The following TENM2 variants were observed in gnomAD, a reference collection of about 807,000 sequenced individuals.
TENM2 encodes teneurin-2.
A neutral mutation model predicts 245.2 loss-of-function variants in TENM2; 52 were observed. The observed-to-expected ratio is 0.21, with a 90% CI of 0.17 to 0.27. The LOEUF (loss-of-function observed/expected upper bound fraction) is 0.27. Ranked by LOEUF, TENM2 falls within the 10% of genes least tolerant of loss-of-function variation. The probability of loss-of-function intolerance (pLI) is 1.00; values close to 1 mark genes in which losing one functional copy is unlikely to be tolerated. For synonymous variants in TENM2, 1,363 were observed against 1,438.9 expected, an observed-to-expected ratio of 0.95 and a Z score of 1.19; for missense variants, 3,046 against 3,666.8, an observed-to-expected ratio of 0.83 and a Z score of 4.37.
intron 3 of TENM2, among the ~76,000 whole-genome samples, chr5:167,908,830 G>T (rs1776323486): frequency 6.6e-6 from 1 of 151,684 alleles, no homozygotes; most frequent in Non-Finnish European, 1.5e-5. Flanking sequence ...CTTGTGTAAA[G>T]AGGAAGCTAC....
At chr5:168,257,678 C>T (rs1430903855) in intron 27 of TENM2, among the ~76,000 whole-genome samples, 6 of 149,000 alleles carry the variant, frequency 4.0e-5, no homozygotes, top group South Asian at 4.2e-4. Flanking sequence ...TGCAGTAGCA[C>T]GATCTCTGCT....
At chr5:167,001,217 A>T in the TENM2 span, among the ~76,000 whole-genome samples, 1 of 152,182 alleles carries the variant, frequency 6.6e-6, no homozygotes, top group African/African-American at 2.4e-5. Context: ...GTTTGGTCTC[A>T]TTGTCTTTAC....
chr5:167,791,313 A>T (rs1764942155), intron 2 of TENM2, among the ~76,000 whole-genome samples: 1 of 149,882 alleles, frequency 6.7e-6, no homozygotes, highest in African/African-American at 2.4e-5. Context: ...TGTGTATCTT[A>T]TGTATAATGT....
chr5:167,060,406 A>G, the TENM2 span, among the ~76,000 whole-genome samples: 1 of 152,286 alleles, frequency 6.6e-6, no homozygotes, highest in East Asian at 1.9e-4. Context: ...TAATCCCAGC[A>G]CTTTGGTAGG....
chr5:167,830,752 G>A (rs1054264017), intron 2 of TENM2, among the ~76,000 whole-genome samples: 7 of 152,242 alleles, frequency 4.6e-5, no homozygotes, highest in African/African-American at 4.8e-5. Context: ...TTGAGAGCAC[G>A]TCTGAGTGCC....
At chr5:167,924,337 T>G (rs1198678626) in intron 3 of TENM2, among the ~76,000 whole-genome samples, 1 of 152,208 alleles carries the variant, frequency 6.6e-6, no homozygotes, top group Non-Finnish European at 1.5e-5. Flanking sequence ...CATGAGCGCT[T>G]GCCAGGAACC....
rs767391820 is a variant in TENM2 at position 168,262,224 on chromosome 5, G to A, written c.7739G>A (p.Arg2580Gln). The A allele has an allele frequency of 1.4e-5, 23 of 1,605,434 alleles. No homozygotes were observed. The highest frequency in any genetic ancestry group is 2.2e-5 in the East Asian group (1 of 44,492). The change falls in exon 29 of 29, where the codon CGG (arginine) becomes CAG (glutamine). Residue 2580 changes from arginine to glutamine, a missense_variant. By Grantham distance (43) the Arg-to-Gln change is conservative (BLOSUM62 1). Transcript: ENST00000518659. ...ATCATGTTTGCCATCAAAGAAGGGC[G>A]GGTGACCACGGGCGTGTCCAGCATC...
At chr5:167,054,755 TA>T in the TENM2 span, among the ~76,000 whole-genome samples, 1 of 152,148 alleles carries the variant, frequency 6.6e-6, no homozygotes. Flanking sequence ...CCCATTGTTT[TA>T]ATTTGCAATT....
chr5:167,238,463 G>A, the TENM2 span, among the ~76,000 whole-genome samples: 3 of 152,112 alleles, frequency 2.0e-5, no homozygotes, highest in Non-Finnish European at 4.4e-5. Context: ...TCTCCATGAA[G>A]ATAGGCTTGG....
At chr5:167,471,932 C>A (rs553656581) in intron 2 of TENM2, among the ~76,000 whole-genome samples, 1 of 152,206 alleles carries the variant, frequency 6.6e-6, no homozygotes, top group Non-Finnish European at 1.5e-5. Context: ...TTTCTCTGAG[C>A]CTTCTTTTTG....
intron 2 of TENM2, among the ~76,000 whole-genome samples, chr5:167,799,996 A>G (rs569540503): frequency 2.0e-5 from 3 of 152,318 alleles, no homozygotes; most frequent in Middle Eastern, 3.4e-3. Flanking sequence ...AGCATCCCCA[A>G]CTGACAATCA....
intron 2 of TENM2, among the ~76,000 whole-genome samples, chr5:167,746,875 G>A (rs1474816733): frequency 6.6e-6 from 1 of 152,084 alleles, no homozygotes; most frequent in East Asian, 1.9e-4. Context: ...CTTCCTGGAA[G>A]CTTATAGACA....
chr5:168,114,461 T>G (rs901721466), intron 9 of TENM2, among the ~76,000 whole-genome samples: 13 of 152,178 alleles, frequency 8.5e-5, no homozygotes, highest in Admixed American at 6.5e-4. Context: ...ATACAGGAGG[T>G]TCCCCATTTC....
At chr5:167,594,874 C>T (rs1258838365) in intron 2 of TENM2, among the ~76,000 whole-genome samples, 4 of 152,194 alleles carry the variant, frequency 2.6e-5, no homozygotes, top group Non-Finnish European at 5.9e-5. Context: ...TGCAATTTTA[C>T]TTACAAACAC....
chr5:167,731,861 A>G (rs1052944315), intron 2 of TENM2, among the ~76,000 whole-genome samples: 2 of 152,126 alleles, frequency 1.3e-5, no homozygotes, highest in African/African-American at 4.8e-5. Context: ...GTAGGTGCTC[A>G]TTAAATATTT....
the TENM2 span, among the ~76,000 whole-genome samples, chr5:167,035,553 C>G: frequency 2.0e-5 from 3 of 152,188 alleles, no homozygotes; most frequent in African/African-American, 7.2e-5. Flanking sequence ...AGTCTCCTAT[C>G]TGTTGGTCAG....
intron 2 of TENM2, among the ~76,000 whole-genome samples, chr5:167,654,535 A>G (rs1754706610): frequency 6.6e-6 from 1 of 152,036 alleles, no homozygotes; most frequent in South Asian, 2.1e-4. Context: ...GGGGATGGAG[A>G]TGATCCAGAA....
intron 5 of TENM2, among the ~76,000 whole-genome samples, chr5:168,008,090 T>C (rs537807053): frequency 1.3e-5 from 2 of 152,316 alleles, no homozygotes; most frequent in East Asian, 3.9e-4. Context: ...AATTGAGCTA[T>C]TGGAGTTCAG....
intron 2 of TENM2, among the ~76,000 whole-genome samples, chr5:167,404,838 T>A (rs1158639501): frequency 6.6e-6 from 1 of 152,172 alleles, no homozygotes; most frequent in African/African-American, 2.4e-5. Flanking sequence ...TTCAATGGTT[T>A]CTAGTATATC....
Sources: allele counts gnomAD v4.1 joint callset (sites outside exome capture counted in the v4.1 genomes callset), GRCh38; gene constraint gnomAD v4.1.1; transcripts MANE v1.5; gene names NCBI Gene and HGNC (gene_info 2026-07-23, HGNC 2026-07-21).